The following ABLIM2 variants were observed in gnomAD, a reference collection of about 807,000 sequenced individuals.
ABLIM2 encodes actin-binding LIM protein 2.
ABLIM2 carries 53 observed loss-of-function variants against 97.7 expected under a neutral mutation model. The observed-to-expected ratio is 0.54, with a 90% CI of 0.44 to 0.68. The LOEUF (loss-of-function observed/expected upper bound fraction) is 0.68, where lower values mean the gene tolerates loss of function less well. Ranked by LOEUF, ABLIM2 falls within the 30% of genes least tolerant of loss-of-function variation. The pLI is 0.00. For synonymous variants in ABLIM2, 361 were observed against 345.8 expected (o/e 1.04, Z -0.49); for missense variants, 835 against 867.2 (o/e 0.96, Z 0.47).
At chr4:8,153,390 A>G (rs1713773287) in intron 1 of ABLIM2, among the ~76,000 whole-genome samples, 1 of 152,220 alleles carries the variant, frequency 6.6e-6, no homozygotes, top group Non-Finnish European at 1.5e-5. Context: ...TTGAGTGGCC[A>G]GGTTAGGAAG....
chr4:8,094,758 C>T (rs374125339), intron 3 of ABLIM2, among the ~76,000 whole-genome samples: 1 of 152,186 alleles, frequency 6.6e-6, no homozygotes, highest in East Asian at 1.9e-4. Flanking sequence ...GGGTGGTCTC[C>T]TCCCTTATTG....
chr4:8,022,173 C>T lies in ABLIM2; in HGVS notation c.1268-1870G>A, dbSNP rs1774192813. ...CTGAACAGAGGAAGACGGTTTGCTT[C>T]AGGCACCATCTCTAAGCTGTGTGTG... On this transcript the variant is annotated intron_variant, in intron 12 of 20. Coordinates refer to ENST00000447017, the MANE Select transcript of ABLIM2 (RefSeq NM_001130083.2). The surrounding 1 kb of genome is among the most constrained non-coding windows in gnomAD (Gnocchi z 7.8). 6.6e-6 allele frequency among the ~76,000 whole-genome samples: 1 copy of T among 152,232 alleles called. No homozygotes were observed. Among genetic ancestry groups the T allele is most frequent in the South Asian group, 2.1e-4 (1 of 4,830 alleles).
At position 8,155,678 on chromosome 4, in the gene ABLIM2, C is replaced by T. The variant is rs962259975; in HGVS notation, c.10+3002G>A. Among the ~76,000 whole-genome samples, 1 of 152,148 alleles carries T rather than the reference C, an allele frequency of 6.6e-6. No individual in the cohort carries two copies. Among genetic ancestry groups the T allele is most frequent in the Non-Finnish European group, 1.5e-5 (1 of 68,044 alleles). ...CTTTAAGGAGACCACTAAGGTGAAA[C>T]GAGGTCATGAGGGTAGGCTCTAACC... On this transcript the variant is annotated intron_variant, in intron 1 of 20. Transcript: ENST00000447017. This position sits in a 1 kb window ranked among gnomAD's most constrained non-coding sequence, Gnocchi z 4.2.
chr4:8,092,315 T>C (rs917668704), intron 3 of ABLIM2, among the ~76,000 whole-genome samples: 1 of 152,014 alleles, frequency 6.6e-6, no homozygotes, highest in African/African-American at 2.4e-5. Context: ...ATATGTTCTT[T>C]AGTGAAGTGT....
chr4:8,133,260 T>C (rs1274089762), intron 1 of ABLIM2, among the ~76,000 whole-genome samples: 2 of 152,130 alleles, frequency 1.3e-5, no homozygotes, highest in African/African-American at 4.8e-5. Flanking sequence ...CCAAGTAAGG[T>C]CACATGCAGA....
chr4:8,061,816 C>G lies in ABLIM2; in HGVS notation c.676-762G>C, dbSNP rs953385995. ...CGGGAAGAAGTTTCCTAATCCCTACCTACATCTGAATTTATAATAACCAGT... is the reference window on the plus strand; with the variant it reads ...CGGGAAGAAGTTTCCTAATCCCTACGTACATCTGAATTTATAATAACCAGT... On this transcript the variant is annotated intron_variant, in intron 6 of 20. Transcript: ENST00000447017. The surrounding 1 kb of genome is among the most constrained non-coding windows in gnomAD (Gnocchi z 4.5). Among the ~76,000 whole-genome samples, 7 of 152,168 alleles carry G rather than the reference C, an allele frequency of 4.6e-5. No homozygotes were observed. Among genetic ancestry groups the G allele is most frequent in the Admixed American group, 2.0e-4 (3 of 15,274 alleles).
In ABLIM2 at chr4:8,020,208, C is replaced by T. The variant is rs368630237; in HGVS notation, c.1363G>A (p.Val455Ile). ...TYQQAPRHFH[V>I]PDTGVKDNIY... The stretch of plus-strand genomic sequence containing the variant: ...AGCGTGTCCCGGAGCCTACCTGGGA[C>T]GTGGAAGTGGCGAGGTGCCTGCTGG... Residue 455 changes from valine (V) to isoleucine (I), a missense_variant, in exon 13 of 21, where the codon GTC (valine) becomes ATC (isoleucine). Coordinates refer to ENST00000447017, the MANE Select transcript of ABLIM2 (RefSeq NM_001130083.2). 45 of 1,612,796 alleles carry T rather than the reference C, an allele frequency of 2.8e-5. No individual in the cohort carries two copies. The African/African-American group carries it at 3.3e-4, about 12-fold the overall frequency.
At chr4:8,141,041 C>G (rs1459216233) in intron 1 of ABLIM2, among the ~76,000 whole-genome samples, 1 of 152,072 alleles carries the variant, frequency 6.6e-6, no homozygotes, top group Non-Finnish European at 1.5e-5. Flanking sequence ...CCTGAGCTGC[C>G]CTTGCCTTAG....
rs988906596 is a variant in ABLIM2 at position 7,999,695 on chromosome 4, G to A, written c.1619-6768C>T. Among the ~76,000 whole-genome samples the A allele has an allele frequency of 1.3e-5, 2 of 152,166 alleles. No individual in the cohort carries two copies. Among genetic ancestry groups the A allele is most frequent in the Non-Finnish European group, 2.9e-5 (2 of 68,024 alleles). On this transcript the variant is annotated intron_variant, in intron 16 of 20. Transcript: ENST00000447017. The surrounding 1 kb of genome is among the most constrained non-coding windows in gnomAD (Gnocchi z 4.4). Reference sequence around the variant, plus strand: ...AGAGAGACCCACAGGGAGAAGGCAGGTAGGGGGCCAGGAGCATGGCGGCAA... The same window carrying A: ...AGAGAGACCCACAGGGAGAAGGCAGATAGGGGGCCAGGAGCATGGCGGCAA...
At chr4:7,968,503 A>C (rs1362900453) in intron 20 of ABLIM2, among the ~76,000 whole-genome samples, 1 of 152,266 alleles carries the variant, frequency 6.6e-6, no homozygotes, top group Non-Finnish European at 1.5e-5. Context: ...CAGCCTTAAA[A>C]GGTCGTGAAG....
intron 6 of ABLIM2, among the ~76,000 whole-genome samples, chr4:8,070,976 C>T (rs892116964): frequency 6.6e-5 from 10 of 152,174 alleles, no homozygotes; most frequent in African/African-American, 1.4e-4. Context: ...CCCCCACTCC[C>T]GCCCACCTCT....
chr4:7,978,928 C>G (rs548419789), intron 20 of ABLIM2, among the ~76,000 whole-genome samples: 15 of 152,272 alleles, frequency 9.9e-5, no homozygotes, highest in African/African-American at 3.4e-4. Context: ...GATGAGACGG[C>G]AGGGGCGCCT....
Position 8,095,807 on chromosome 4 carries a change from G to A in ABLIM2, c.338+1292C>T, listed in dbSNP as rs990423634. On this transcript the variant is annotated intron_variant, in intron 3 of 20. Coordinates refer to ENST00000447017, the MANE Select transcript of ABLIM2 (RefSeq NM_001130083.2). The surrounding 1 kb of genome is among the most constrained non-coding windows in gnomAD (Gnocchi z 4.7). ...TTGGTGTCCACACTGCATGCCCTGGGGTTCGACGAGGAATCTCTGCCCTGG... is the reference window on the plus strand; with the variant it reads ...TTGGTGTCCACACTGCATGCCCTGGAGTTCGACGAGGAATCTCTGCCCTGG... Among the ~76,000 whole-genome samples the A allele has an allele frequency of 6.6e-6, 1 of 152,102 alleles. No individual in the cohort carries two copies. The highest frequency in any genetic ancestry group is 1.9e-4 in the East Asian group (1 of 5,186).
rs534148748 is a variant in ABLIM2, at chr4:8,025,016, G to A, written c.1267+2743C>T. Among the ~76,000 whole-genome samples the A allele has an allele frequency of 1.4e-4, 21 of 152,280 alleles. 1 individual carries two copies. The highest frequency in any genetic ancestry group is 3.9e-4 in the African/African-American group (16 of 41,558). ...TCAGTCTCAGCTCACTGCAACCTCCGCCTCCTGGATTCAAGCAATCCTCCC... is the reference window on the plus strand; with the variant it reads ...TCAGTCTCAGCTCACTGCAACCTCCACCTCCTGGATTCAAGCAATCCTCCC... On this transcript the variant is annotated intron_variant, in intron 12 of 20. Transcript: ENST00000447017.
Position 8,001,042 on chromosome 4 carries a change from G to C in ABLIM2, c.1618+7017C>G, listed in dbSNP as rs996833870. Among the ~76,000 whole-genome samples the C allele has an allele frequency of 6.6e-6, 1 of 152,246 alleles. No individual in the cohort carries two copies. The highest frequency in any genetic ancestry group is 1.5e-5 in the Non-Finnish European group (1 of 68,040). On this transcript the variant is annotated intron_variant, in intron 16 of 20. Coordinates refer to ENST00000447017, the MANE Select transcript of ABLIM2 (RefSeq NM_001130083.2). This position sits in a 1 kb window ranked among gnomAD's most constrained non-coding sequence, Gnocchi z 4.2. ...TTGGGCAGTTCCCATCCGCTCCTGG[G>C]TGCACGGGCAGGAGGTTTGGAGGCT...
At chr4:7,972,049 C>T (rs551403183) in intron 20 of ABLIM2, among the ~76,000 whole-genome samples, 3 of 152,298 alleles carry the variant, frequency 2.0e-5, no homozygotes, top group East Asian at 1.9e-4. Context: ...GGCCCAGGCC[C>T]GGAAGCTCCA....
chr4:8,006,170 G>A (rs1010977532), intron 16 of ABLIM2, among the ~76,000 whole-genome samples: 1 of 152,232 alleles, frequency 6.6e-6, no homozygotes, highest in Non-Finnish European at 1.5e-5. Flanking sequence ...TTCAAACGAG[G>A]AAGCAGTGCA....
chr4:7,993,419 C>T (rs138915326), intron 16 of ABLIM2, among the ~76,000 whole-genome samples: 115 of 152,368 alleles, frequency 7.5e-4, no homozygotes, highest in African/African-American at 2.6e-3. Context: ...CATGTTGGCT[C>T]ATGCCTGTAA....
At chr4:8,101,760 C>T (rs1380365841) in intron 2 of ABLIM2, among the ~76,000 whole-genome samples, 1 of 152,248 alleles carries the variant, frequency 6.6e-6, no homozygotes, top group Non-Finnish European at 1.5e-5. Flanking sequence ...GCATTAACAA[C>T]ACATCACAGT....
Sources: allele counts gnomAD v4.1 joint callset (sites outside exome capture counted in the v4.1 genomes callset), GRCh38; gene constraint gnomAD v4.1.1; non-coding constraint Gnocchi (gnomAD v3.1); transcripts MANE v1.5; gene names NCBI Gene and HGNC (gene_info 2026-07-23, HGNC 2026-07-21).